The following REDIC1 variants were observed in gnomAD, a reference collection of about 807,000 sequenced individuals.
The protein encoded by REDIC1 is HEI10 Interacting Protein 1.
At chr12:39,631,699 A>G in the REDIC1 span, among the ~76,000 whole-genome samples, 6 of 152,242 alleles carry the variant, frequency 3.9e-5, no homozygotes, top group South Asian at 1.2e-3. Context: ...TTCTGAGCTT[A>G]CCAGGTACTT....
At chr12:39,711,679 G>C in the REDIC1 span, among the ~76,000 whole-genome samples, 8 of 126,152 alleles carry the variant, frequency 6.3e-5, no homozygotes, top group South Asian at 2.6e-4. Flanking sequence ...ATGTATGTGT[G>C]TATGCACATG....
the REDIC1 span, chr12:39,684,742 CT>C: frequency 1.6e-6 from 1 of 643,110 alleles, no homozygotes; most frequent in Non-Finnish European, 2.7e-6. Flanking sequence ...GCTTATGAAT[CT>C]TTATTTTTAA....
At chr12:39,846,738 C>T in the REDIC1 span, among the ~76,000 whole-genome samples, 1 of 152,144 alleles carries the variant, frequency 6.6e-6, no homozygotes, top group East Asian at 1.9e-4. Flanking sequence ...AGGCATGAGC[C>T]ACAATGCCCA....
chr12:39,797,735 C>CACACACAT, the REDIC1 span, among the ~76,000 whole-genome samples: 118 of 20,450 alleles, frequency 5.8e-3, 2 homozygotes, highest in African/African-American at 0.01. Flanking sequence ...TAAACACACA[C>CACACACAT]ACACACACAC....
chr12:39,796,090 T>C, the REDIC1 span, among the ~76,000 whole-genome samples: 2 of 152,232 alleles, frequency 1.3e-5, no homozygotes, highest in East Asian at 3.9e-4. Context: ...TGTGTATGGA[T>C]TTGCTTATTA....
chr12:39,893,962 C>G, the REDIC1 span, among the ~76,000 whole-genome samples: 1 of 152,128 alleles, frequency 6.6e-6, no homozygotes, highest in Non-Finnish European at 1.5e-5. Flanking sequence ...GGAAGTAACA[C>G]AGATGCTGAA....
chr12:39,897,987 C>T, the REDIC1 span, among the ~76,000 whole-genome samples: 5 of 151,954 alleles, frequency 3.3e-5, no homozygotes, highest in Admixed American at 3.3e-4. Flanking sequence ...ATAATAAACA[C>T]TTAAGAGATG....
At chr12:39,785,802 G>A in the REDIC1 span, among the ~76,000 whole-genome samples, 2 of 152,206 alleles carry the variant, frequency 1.3e-5, no homozygotes, top group African/African-American at 2.4e-5. Context: ...AATCAAAGGA[G>A]ATCATTTTGG....
the REDIC1 span, among the ~76,000 whole-genome samples, chr12:39,815,079 G>A: frequency 1.3e-5 from 2 of 151,902 alleles, no homozygotes; most frequent in African/African-American, 2.4e-5. Flanking sequence ...AAGGATTAGA[G>A]AAGTAAAATA....
At chr12:39,767,996 T>C in the REDIC1 span, among the ~76,000 whole-genome samples, 1 of 152,144 alleles carries the variant, frequency 6.6e-6, no homozygotes, top group Non-Finnish European at 1.5e-5. Flanking sequence ...CAGTTATTTA[T>C]AGCAGTGTGA....
chr12:39,842,502 T>C, the REDIC1 span, among the ~76,000 whole-genome samples: 1 of 152,182 alleles, frequency 6.6e-6, no homozygotes, highest in Admixed American at 6.6e-5. Flanking sequence ...TGGAAACTTG[T>C]ATTGTCTTGT....
chr12:39,906,065 A>G, the REDIC1 span, among the ~76,000 whole-genome samples: 3 of 152,274 alleles, frequency 2.0e-5, no homozygotes, highest in East Asian at 5.8e-4. Context: ...CTTTATCACG[A>G]TAGACAAACT....
the REDIC1 span, among the ~76,000 whole-genome samples, chr12:39,709,025 T>G: frequency 1.3e-5 from 2 of 151,834 alleles, no homozygotes; most frequent in African/African-American, 2.4e-5. Context: ...TTCAGTCTAG[T>G]TTTTTACATT....
chr12:39,636,910 C>T, the REDIC1 span, among the ~76,000 whole-genome samples: 1 of 151,768 alleles, frequency 6.6e-6, no homozygotes, highest in African/African-American at 2.4e-5. Context: ...AACTTTATTG[C>T]ATTTGTGTCT....
At chr12:39,902,645 T>C in the REDIC1 span, among the ~76,000 whole-genome samples, 1 of 152,140 alleles carries the variant, frequency 6.6e-6, no homozygotes, top group African/African-American at 2.4e-5. Context: ...TTTGAACATT[T>C]CAGTGGTAAA....
the REDIC1 span, among the ~76,000 whole-genome samples, chr12:39,810,005 C>A: frequency 6.6e-6 from 1 of 152,102 alleles, no homozygotes; most frequent in Admixed American, 6.6e-5. Flanking sequence ...GATTTATAAT[C>A]CTTTGGGTAT....
chr12:39,797,153 A>G, the REDIC1 span, among the ~76,000 whole-genome samples: 1 of 152,220 alleles, frequency 6.6e-6, no homozygotes, highest in East Asian at 1.9e-4. Context: ...AAAAATTCTG[A>G]TGTTATGAAA....
At chr12:39,656,614 G>A in the REDIC1 span, among the ~76,000 whole-genome samples, 1 of 152,154 alleles carries the variant, frequency 6.6e-6, no homozygotes, top group Non-Finnish European at 1.5e-5. Flanking sequence ...CTCAGGCAGG[G>A]CCTTTCAGGA....
At chr12:39,714,451 C>G in the REDIC1 span, among the ~76,000 whole-genome samples, 3 of 151,184 alleles carry the variant, frequency 2.0e-5, no homozygotes, top group Admixed American at 6.6e-5. Flanking sequence ...TTCATCCACT[C>G]GTTGATTGAT....
Sources: gnomAD v4.1 joint callset for allele counts (sites outside exome capture counted in the v4.1 genomes callset) on GRCh38, gnomAD v4.1.1 for gene constraint, MANE v1.5 for transcripts, NCBI Gene and HGNC (gene_info 2026-07-23, HGNC 2026-07-21) for gene names.